TAFA4: variants seen among roughly 807,000 people sequenced by gnomAD.
TAFA4 encodes the protein TAFA chemokine like family member 4.
A neutral mutation model predicts 21.1 loss-of-function variants in TAFA4; 20 were observed. The observed-to-expected ratio is 0.95, with a 90% CI of 0.67 to 1.38. TAFA4 has a LOEUF of 1.38. Ranked by LOEUF, TAFA4 falls within the 40% of genes most tolerant of loss-of-function variation. The pLI, the probability that TAFA4 is intolerant of heterozygous loss-of-function variation, is 0.00. For synonymous variants in TAFA4, 71 were observed against 67.4 expected, an observed-to-expected ratio of 1.05 and a Z score of -0.26; for missense variants, 211 against 180.9, an observed-to-expected ratio of 1.17 and a Z score of -0.95.
At chr3:68,919,532 G>A (rs943184780) in intron 1 of TAFA4, among the ~76,000 whole-genome samples, 6 of 152,112 alleles carry the variant, frequency 3.9e-5, no homozygotes, top group African/African-American at 1.2e-4. Context: ...AGCGCTGTCC[G>A]ATCGGGCAGC....
intron 3 of TAFA4, among the ~76,000 whole-genome samples, chr3:68,851,185 CT>C (rs1559543064): frequency 6.6e-6 from 1 of 152,102 alleles, no homozygotes; most frequent in Non-Finnish European, 1.5e-5. Flanking sequence ...AGATCATGTC[CT>C]TTACAGGGAC....
At chr3:68,745,437 A>G (rs772910235) in intron 4 of TAFA4, among the ~76,000 whole-genome samples, 45 of 152,210 alleles carry the variant, frequency 3.0e-4, no homozygotes, top group Non-Finnish European at 5.7e-4. Context: ...TTCGTTTAAA[A>G]GCCCCATGCT....
At chr3:68,862,766 C>T (rs2089363152) in intron 3 of TAFA4, among the ~76,000 whole-genome samples, 1 of 151,984 alleles carries the variant, frequency 6.6e-6, no homozygotes, top group African/African-American at 2.4e-5. Context: ...TGACATCTAT[C>T]TCAGTGCTAC....
At chr3:68,919,423 A>G (rs2090035968) in intron 1 of TAFA4, among the ~76,000 whole-genome samples, 1 of 152,116 alleles carries the variant, frequency 6.6e-6, no homozygotes, top group African/African-American at 2.4e-5. Context: ...AACAAAATAG[A>G]CTACACTTCC....
intron 1 of TAFA4, among the ~76,000 whole-genome samples, chr3:68,931,852 G>T (rs928260449): frequency 1.3e-5 from 2 of 152,150 alleles, no homozygotes; most frequent in Non-Finnish European, 2.9e-5. Context: ...GGGATGAAGC[G>T]CTAAGGTCGA....
At chr3:68,813,102 A>G (rs2106848273) in intron 3 of TAFA4, among the ~76,000 whole-genome samples, 1 of 152,250 alleles carries the variant, frequency 6.6e-6, no homozygotes, top group African/African-American at 2.4e-5. Flanking sequence ...ATGAAGGCAG[A>G]AATAAAGATG....
At chr3:68,840,054 T>A (rs763854198) in intron 3 of TAFA4, among the ~76,000 whole-genome samples, 2 of 152,156 alleles carry the variant, frequency 1.3e-5, no homozygotes, top group Non-Finnish European at 2.9e-5. Flanking sequence ...CTGTCTTCTC[T>A]CCAAAGAGAT....
chr3:68,837,611 T>G (rs1704554091), intron 3 of TAFA4, among the ~76,000 whole-genome samples: 1 of 152,144 alleles, frequency 6.6e-6, no homozygotes, highest in Non-Finnish European at 1.5e-5. Flanking sequence ...GGTCAAAGAT[T>G]CCACATTTTT....
At chr3:68,793,481 A>G (rs933885777) in intron 3 of TAFA4, among the ~76,000 whole-genome samples, 3 of 152,214 alleles carry the variant, frequency 2.0e-5, no homozygotes, top group African/African-American at 7.2e-5. Context: ...TGGAAATCCA[A>G]TTGCCGCTTA....
chr3:68,879,103 C>T (rs1175957989), intron 3 of TAFA4, among the ~76,000 whole-genome samples: 1 of 152,152 alleles, frequency 6.6e-6, no homozygotes, highest in African/African-American at 2.4e-5. Flanking sequence ...CTAGTGCCAT[C>T]ATTTCTTTAA....
At chr3:68,750,360 G>T (rs1042493691) in intron 4 of TAFA4, among the ~76,000 whole-genome samples, 1 of 152,176 alleles carries the variant, frequency 6.6e-6, no homozygotes, top group Non-Finnish European at 1.5e-5. Context: ...GAATGCTATG[G>T]AGCAATTGAA....
chr3:68,753,626 G>A (rs1232406052), intron 3 of TAFA4, among the ~76,000 whole-genome samples: 2 of 152,104 alleles, frequency 1.3e-5, no homozygotes, highest in Non-Finnish European at 2.9e-5. Flanking sequence ...GTGAGCCACC[G>A]TCACTGGCCA....
chr3:68,774,495 A>T (rs903916171), intron 3 of TAFA4, among the ~76,000 whole-genome samples: 1 of 152,200 alleles, frequency 6.6e-6, no homozygotes, highest in African/African-American at 2.4e-5. Flanking sequence ...AAGAAATACA[A>T]TTAAATGGAA....
chr3:68,803,319 T>A (rs1285880111), intron 3 of TAFA4, among the ~76,000 whole-genome samples: 1 of 152,214 alleles, frequency 6.6e-6, no homozygotes, highest in African/African-American at 2.4e-5. Context: ...TGCTGCCTGG[T>A]TCCACTTGCT....
In TAFA4 at chr3:68,733,172, A is replaced by C. The variant is rs1051839360; in HGVS notation, c.412-19T>G. On this transcript the variant is annotated intron_variant, in intron 5 of 5. Transcript: ENST00000295569. ...GCGTTACCTAAAACAAATCAAAATA[A>C]GGGAACATTCAACACTCTATACCCA... 7 of 1,612,972 alleles carry C rather than the reference A, an allele frequency of 4.3e-6. No individual in the cohort carries two copies. Among genetic ancestry groups the C allele is most frequent in the Non-Finnish European group, 5.9e-6 (7 of 1,179,258 alleles).
rs1559553828 is a variant in TAFA4 at position 68,885,406 on chromosome 3, A to G, written c.-122-96T>C. 5.4e-6 allele frequency: 3 copies of G among 553,146 alleles called. No individual in the cohort carries two copies. The East Asian group carries it at 8.9e-5, about 16-fold the overall frequency. 34.3% of individuals were successfully genotyped at this position (553,146 alleles called of 1,614,324 possible). A position where few individuals can be genotyped will look rare whatever the true frequency, so the allele number is the denominator to read the frequency against. On this transcript the variant is annotated intron_variant, in intron 1 of 5. Transcript: ENST00000295569. ...AGTAGCAAAATAATGGTTTTTAACC[A>G]TGACACCTGCAGTTTCAGGCAAGTG...
intron 1 of TAFA4, among the ~76,000 whole-genome samples, chr3:68,917,104 T>TAA (rs2090011258): frequency 6.6e-6 from 1 of 152,130 alleles, no homozygotes; most frequent in Non-Finnish European, 1.5e-5. Context: ...CACCAACAAT[T>TAA]AAATAATTGA....
chr3:68,894,571 G>A (rs546007475), intron 1 of TAFA4, among the ~76,000 whole-genome samples: 13 of 152,322 alleles, frequency 8.5e-5, no homozygotes, highest in Middle Eastern at 3.4e-3. Flanking sequence ...ATTATACTGG[G>A]ACATGCTGGG....
At chr3:68,807,586 A>G (rs1159799553) in intron 3 of TAFA4, among the ~76,000 whole-genome samples, 1 of 152,178 alleles carries the variant, frequency 6.6e-6, no homozygotes, top group Admixed American at 6.5e-5. Flanking sequence ...GCATTCACAT[A>G]GGCAAAAACA....
Sources: gnomAD v4.1 joint callset for allele counts (sites outside exome capture counted in the v4.1 genomes callset) on GRCh38, gnomAD v4.1.1 for gene constraint, MANE v1.5 for transcripts, NCBI Gene and HGNC (gene_info 2026-07-23, HGNC 2026-07-21) for gene names.